The following MORC1 variants were observed in gnomAD, a reference collection of about 807,000 sequenced individuals.
The protein encoded by MORC1 is MORC family CW-type zinc finger 1.
A neutral mutation model predicts 134.9 loss-of-function variants in MORC1; 59 were observed. The observed-to-expected ratio is 0.44, with a 90% confidence interval of 0.35 to 0.54. The LOEUF (loss-of-function observed/expected upper bound fraction) is 0.54. Among genes scored for constraint, MORC1 ranks in the 20% least tolerant of loss-of-function variants. The pLI is 0.00. For synonymous variants in MORC1, 395 were observed against 391.7 expected, an observed-to-expected ratio of 1.01 and a Z score of -0.10; for missense variants, 947 against 1,134.5, an observed-to-expected ratio of 0.83 and a Z score of 2.37.
At chr3:109,078,328 A>G (rs1035750207) in intron 8 of MORC1, among the ~76,000 whole-genome samples, 8 of 152,094 alleles carry the variant, frequency 5.3e-5, no homozygotes, top group Non-Finnish European at 1.0e-4. Flanking sequence ...AAGAGCAGAT[A>G]TAATACAGGC....
chr3:109,028,236 C>CA (rs1266592189), intron 16 of MORC1, among the ~76,000 whole-genome samples: 5 of 151,344 alleles, frequency 3.3e-5, no homozygotes, highest in Admixed American at 6.6e-5. Flanking sequence ...CTGCCATTTC[C>CA]CCCCCCAAAA....
At chr3:109,025,378 T>C (rs1559901368) in intron 17 of MORC1, among the ~76,000 whole-genome samples, 1 of 131,952 alleles carries the variant, frequency 7.6e-6, no homozygotes, top group Non-Finnish European at 1.6e-5. Flanking sequence ...TTTTCTTTTT[T>C]CTTTTTTTTT....
At chr3:109,028,111 T>C (rs1367906830) in intron 16 of MORC1, among the ~76,000 whole-genome samples, 1 of 152,138 alleles carries the variant, frequency 6.6e-6, no homozygotes, top group Non-Finnish European at 1.5e-5. Context: ...CAGTACCATA[T>C]ATTAACGAGG....
intron 6 of MORC1, among the ~76,000 whole-genome samples, chr3:109,097,076 G>A (rs60118049): frequency 0.05 from 7,670 of 152,164 alleles, 582 homozygotes; most frequent in African/African-American, 0.16. Context: ...AAAAGACCCA[G>A]CAAGTGACCA....
At chr3:109,074,560 C>T (rs1017835058) in intron 8 of MORC1, among the ~76,000 whole-genome samples, 2 of 152,150 alleles carry the variant, frequency 1.3e-5, no homozygotes, top group African/African-American at 4.8e-5. Flanking sequence ...TTTAAATTCC[C>T]TCTCTCACCC....
chr3:109,014,428 C>G (rs1329673482), intron 17 of MORC1, among the ~76,000 whole-genome samples: 1 of 152,058 alleles, frequency 6.6e-6, no homozygotes, highest in East Asian at 1.9e-4. Context: ...ATAGCCAAAA[C>G]AGTACCACAA....
At position 109,035,423 on chromosome 3, in the gene MORC1, T is replaced by C; in HGVS notation, c.1376A>G (p.Asn459Ser). ...TAAAGGTTTCTCCACATCGATGTCATTCTGGTATCCAAATTCATTGCAAAA... is the reference window on the plus strand; with the variant it reads ...TAAAGGTTTCTCCACATCGATGTCACTCTGGTATCCAAATTCATTGCAAAA... ...TLFCNEFGYQ[N>S]DIDVEKPLNS... Residue 459 changes from asparagine to serine, a missense_variant, in exon 15 of 28, where the codon AAT (asparagine) becomes AGT (serine). Transcript: ENST00000232603. The C allele has an allele frequency of 6.5e-7, 1 of 1,537,082 alleles. No individual in the cohort carries two copies. Among genetic ancestry groups the C allele is most frequent in the Non-Finnish European group, 8.9e-7 (1 of 1,123,728 alleles).
chr3:108,977,868 T>C (rs1330648637), intron 24 of MORC1, among the ~76,000 whole-genome samples: 1 of 152,148 alleles, frequency 6.6e-6, no homozygotes, highest in East Asian at 1.9e-4. Context: ...GACATCTATC[T>C]AGATCATTGG....
chr3:108,971,382 A>C lies in MORC1; in HGVS notation c.2498T>G (p.Phe833Cys). ...TTCTGATGGTAGCTGATGCTCAGGAAAAAAATACAGAAGAATCTCCCTAGG... is the reference window on the plus strand; with the variant it reads ...TTCTGATGGTAGCTGATGCTCAGGACAAAAATACAGAAGAATCTCCCTAGG... Reference protein sequence around the residue: ...SKLREILLYFFPEHQLPSELE... With the variant: ...SKLREILLYFCPEHQLPSELE... The change falls in exon 25 of 28, where the codon TTT (phenylalanine) becomes TGT (cysteine). Residue 833 changes from phenylalanine to cysteine, a missense_variant. Physicochemically the swap from Phe to Cys is radical, Grantham distance 205. This residue lies in a region of MORC1 where 722 missense variants were observed against 817.0 expected (regional missense o/e 0.88). Transcript: ENST00000232603. 4 of 1,613,266 alleles carry C rather than the reference A, an allele frequency of 2.5e-6. No homozygotes were observed. The highest frequency in any genetic ancestry group is 3.4e-6 in the Non-Finnish European group (4 of 1,179,322).
rs1214249386 is a variant in MORC1, at chr3:109,040,427, G to GGAAA, written c.1331-4963_1331-4960dup. On this transcript the variant is annotated intron_variant, in intron 14 of 27. Coordinates refer to ENST00000232603, the MANE Select transcript of MORC1 (RefSeq NM_014429.4). Reference sequence around the variant, plus strand: ...GAGAAGGAAGGAAGGAAGGAAGGAAGGAAAGAAAGAAAGAAAGAAAGAAAG... The same window carrying GGAAA: ...GAGAAGGAAGGAAGGAAGGAAGGAAGGAAAGAAAGAAAGAAAGAAAGAAAGAAAG... Among the ~76,000 whole-genome samples the GGAAA allele has an allele frequency of 7.8e-3, 378 of 48,368 alleles. 17 individuals carry two copies. The highest frequency in any genetic ancestry group is 0.02 in the African/African-American group (303 of 15,190). The allele number at this position is 48,368 out of a possible 152,430, so 31.7% of individuals were successfully genotyped here. A position where few individuals can be genotyped will look rare whatever the true frequency, so the allele number is the denominator to read the frequency against.
chr3:108,993,921 T>C (rs1045086491), intron 21 of MORC1, among the ~76,000 whole-genome samples: 1 of 152,202 alleles, frequency 6.6e-6, no homozygotes, highest in African/African-American at 2.4e-5. Context: ...CCATAAAACA[T>C]AAACCTAGAC....
At chr3:109,034,029 C>T (rs1207032143) in intron 15 of MORC1, among the ~76,000 whole-genome samples, 1 of 152,176 alleles carries the variant, frequency 6.6e-6, no homozygotes, top group East Asian at 1.9e-4. Flanking sequence ...CTGTCACATA[C>T]TGTCATCAAT....
chr3:108,961,009 A>C (rs892513161), intron 27 of MORC1, among the ~76,000 whole-genome samples: 46 of 152,186 alleles, frequency 3.0e-4, no homozygotes, highest in African/African-American at 1.1e-3. Flanking sequence ...TTTAACTTTT[A>C]ATCCCGTTTT....
chr3:108,988,412 T>C (rs1381920523), intron 21 of MORC1, among the ~76,000 whole-genome samples: 2 of 152,200 alleles, frequency 1.3e-5, no homozygotes, highest in Non-Finnish European at 2.9e-5. Context: ...TTTTTAAAGA[T>C]TCATTTTGAA....
intron 24 of MORC1, among the ~76,000 whole-genome samples, chr3:108,976,343 G>A (rs533048994): frequency 6.6e-6 from 1 of 152,096 alleles, no homozygotes; most frequent in Admixed American, 6.5e-5. Flanking sequence ...AGGTAAATAT[G>A]GTAAACAATT....
chr3:109,037,679 G>T (rs888191803), intron 14 of MORC1, among the ~76,000 whole-genome samples: 20 of 152,190 alleles, frequency 1.3e-4, no homozygotes, highest in African/African-American at 4.8e-4. Context: ...ACCTATGAGT[G>T]AGAACATGAG....
At chr3:108,968,950 C>G (rs944607865) in intron 26 of MORC1, among the ~76,000 whole-genome samples, 1 of 128,654 alleles carries the variant, frequency 7.8e-6, no homozygotes, top group Non-Finnish European at 1.7e-5. Context: ...TCTTGGAGTA[C>G]CAGGGTTTTT....
Position 108,958,436 on chromosome 3 carries a change from ATAAT to A in MORC1, c.*525_*528del, listed in dbSNP as rs1385498791. On this transcript the variant is annotated 3_prime_UTR_variant, in exon 28 of 28. Transcript: ENST00000232603. Reference sequence around the variant, plus strand: ...AGATTTATTCTTTTACTATGACTAAATAATAAAATTATATAAGCTATGTCTCAAA... The same window carrying A: ...AGATTTATTCTTTTACTATGACTAAAAAAATTATATAAGCTATGTCTCAAA... 1 of 152,130 alleles carries A rather than the reference ATAAT, an allele frequency of 6.6e-6. No individual in the cohort carries two copies. Among genetic ancestry groups the A allele is most frequent in the Non-Finnish European group, 1.5e-5 (1 of 67,984 alleles). The allele number at this position is 152,130 out of a possible 1,614,324, so 9.4% of individuals were successfully genotyped here.
chr3:109,029,983 C>T (rs960426431), intron 16 of MORC1, among the ~76,000 whole-genome samples: 3 of 152,102 alleles, frequency 2.0e-5, no homozygotes, highest in Admixed American at 1.3e-4. Flanking sequence ...AGTTCATAGG[C>T]CTTTTATAAA....
Sources: allele counts gnomAD v4.1 joint callset (sites outside exome capture counted in the v4.1 genomes callset), GRCh38; gene constraint gnomAD v4.1.1; regional missense constraint gnomAD v4.1.1; transcripts MANE v1.5; gene names NCBI Gene and HGNC (gene_info 2026-07-23, HGNC 2026-07-21).